The following XDH variants were observed in gnomAD, a reference collection of about 807,000 sequenced individuals.
XDH encodes the protein xanthine dehydrogenase/oxidase.
In XDH, 138 loss-of-function variants were observed where a neutral mutation model predicts 156.1. The ratio of observed to expected loss-of-function variants is 0.88; its 90% CI spans 0.77 to 1.02. The LOEUF (loss-of-function observed/expected upper bound fraction) is 1.02. Ranked by LOEUF, XDH falls within the 50% of genes least tolerant of loss-of-function variation. XDH has a pLI of 0.00. For synonymous variants in XDH, 669 were observed against 625.7 expected (o/e 1.07, Z -1.03); for missense variants, 1,849 against 1,684.9 (o/e 1.10, Z -1.71).
chr2:31,376,489 A>C (rs1453647011), intron 14 of XDH, among the ~76,000 whole-genome samples: 1 of 149,394 alleles, frequency 6.7e-6, no homozygotes, highest in Non-Finnish European at 1.5e-5. Flanking sequence ...TAGCAATAAT[A>C]TTAGAAGCAG....
Position 31,370,485 on chromosome 2 carries a change from G to A in XDH, c.1857-7C>T. ...TTCTGATGTATCTATGGACCTGCAA[G>A]AATGAGTGGTGTGAGGGGCCAGGTC... On this transcript the variant is annotated splice_polypyrimidine_tract_variant and splice_region_variant and intron_variant, in intron 17 of 35. Coordinates refer to ENST00000379416, the MANE Select transcript of XDH (RefSeq NM_000379.4). 1 of 1,614,130 alleles carries A rather than the reference G, an allele frequency of 6.2e-7. No homozygotes were observed. The highest frequency in any genetic ancestry group is 8.5e-7 in the Non-Finnish European group (1 of 1,179,992).
intron 20 of XDH, among the ~76,000 whole-genome samples, chr2:31,367,644 C>A (rs531296189): frequency 6.6e-6 from 1 of 151,904 alleles, no homozygotes; most frequent in South Asian, 2.1e-4. Flanking sequence ...AGAATTTATG[C>A]GGTTAGAGGC....
intron 29 of XDH, 134 bp from the exon 30 acceptor site, chr2:31,346,977 C>T: frequency 1.8e-6 from 2 of 1,134,490 alleles, no homozygotes; most frequent in Admixed American, 1.9e-5. Flanking sequence ...AGCCTGGCCA[C>T]CCACTCCAGA....
intron 31 of XDH, among the ~76,000 whole-genome samples, 198 bp downstream of exon 31, chr2:31,344,486 T>G (rs368458544): frequency 6.6e-6 from 1 of 152,102 alleles, no homozygotes; most frequent in East Asian, 1.9e-4. Flanking sequence ...CAGCTGGTGC[T>G]TTTACCCCTT....
chr2:31,346,626 T>C (rs1685301728), intron 30 of XDH, 143 bp downstream of exon 30: 1 of 1,037,976 alleles, frequency 9.6e-7, no homozygotes, highest in African/African-American at 1.6e-5. Flanking sequence ...ATTCATCCTG[T>C]AAAATCACAC....
intron 17 of XDH, 59 bp from the exon 18 acceptor site, chr2:31,370,537 C>G (rs983158486): frequency 6.2e-7 from 1 of 1,606,110 alleles, no homozygotes; most frequent in Non-Finnish European, 8.5e-7. Flanking sequence ...GGACCCATCA[C>G]CTGGTTGGAC....
intron 31 of XDH, among the ~76,000 whole-genome samples, chr2:31,342,850 G>A (rs190503558): frequency 4.9e-4 from 74 of 152,228 alleles, no homozygotes; most frequent in African/African-American, 1.7e-3. Flanking sequence ...GAAATGATAC[G>A]AATAGAAACA....
rs1342763175 is a variant in XDH, at chr2:31,364,238, A to C, written c.2551T>G (p.Phe851Val). The stretch of plus-strand genomic sequence containing the variant: ...GCCACAACTGTCCCAGTCTTCATGA[A>C]GCCAACCTGATAAAAGGAGAAAGGA... Reference protein sequence around the residue: ...HPFLARYKVGFMKTGTVVALE... With the variant: ...HPFLARYKVGVMKTGTVVALE... Residue 851 changes from phenylalanine (F) to valine (V), a missense_variant, in exon 24 of 36, where the codon TTC becomes GTC. By Grantham distance (50) the Phe-to-Val change is conservative (BLOSUM62 -1). Coordinates refer to ENST00000379416, the MANE Select transcript of XDH (RefSeq NM_000379.4). 6.2e-7 allele frequency: 1 copy of C among 1,614,150 alleles called. No homozygotes were observed.
Position 31,364,142 on chromosome 2 carries a change from T to C in XDH, c.2631+16A>G. The C allele has an allele frequency of 6.2e-7, 1 of 1,613,318 alleles. No individual in the cohort carries two copies. The highest frequency in any genetic ancestry group is 8.5e-7 in the Non-Finnish European group (1 of 1,179,806). On this transcript the variant is annotated intron_variant, in intron 24 of 35. Coordinates refer to ENST00000379416, the MANE Select transcript of XDH (RefSeq NM_000379.4). ...AGTCAGCTCTGGGTGCAGGGGCGGC[T>C]GCAGGTCCTACTCACACTCTGAGAG...
chr2:31,336,677 C>A (rs1164133326), intron 35 of XDH, among the ~76,000 whole-genome samples: 2 of 150,732 alleles, frequency 1.3e-5, no homozygotes. Flanking sequence ...TGAATGGGGA[C>A]CCATATGCCT....
intron 26 of XDH, 150 bp from the exon 27 acceptor site, chr2:31,349,130 T>G: frequency 1.3e-6 from 1 of 754,894 alleles, no homozygotes; most frequent in Non-Finnish European, 2.3e-6. Flanking sequence ...CAGGGGGTCT[T>G]GTCAACACTC....
chr2:31,365,016 G>A (rs1356601572), intron 23 of XDH, among the ~76,000 whole-genome samples: 7 of 152,150 alleles, frequency 4.6e-5, no homozygotes, highest in Non-Finnish European at 4.4e-5. Context: ...GTCCAACCAT[G>A]GTCTGGAAAA....
intron 12 of XDH, among the ~76,000 whole-genome samples, chr2:31,381,019 A>G (rs1215978759): frequency 1.3e-5 from 2 of 152,058 alleles, no homozygotes; most frequent in African/African-American, 4.8e-5. Context: ...TTTTTGAGAC[A>G]GGGTCTCACT....
At chr2:31,367,329 T>C (rs888170004) in intron 20 of XDH, among the ~76,000 whole-genome samples, 20 of 152,214 alleles carry the variant, frequency 1.3e-4, no homozygotes, top group Non-Finnish European at 2.5e-4. Context: ...CAGGGATTAA[T>C]AGATGTGATT....
At position 31,373,942 on chromosome 2, in the gene XDH, C is replaced by A. The variant is rs117399514; in HGVS notation, c.1617G>T (p.Leu539=). 1.2e-4 allele frequency: 193 copies of A among 1,613,708 alleles called. 1 individual carries two copies. In the East Asian group the frequency reaches 4.0e-3, roughly 34 times the overall value. The change falls in exon 16 of 36, where the codon CTG becomes CTT. Residue 539 remains leucine (L), a synonymous_variant. Transcript: ENST00000379416. ...AAGTTGCACTGGCGAAAGTGGGGTC[C>A]AGTTTACCACACTTCTGTGGAGACA... ...QENLEDKCGK[L]DPTFASATLL...
chr2:31,369,571 T>C lies in XDH; in HGVS notation c.1980+784A>G, dbSNP rs187724489. Among the ~76,000 whole-genome samples, 924 of 152,294 alleles carry C rather than the reference T, an allele frequency of 6.1e-3. 5 individuals are homozygous for C. Among genetic ancestry groups the C allele is most frequent in the Non-Finnish European group, 8.9e-3 (607 of 68,030 alleles). On this transcript the variant is annotated intron_variant, in intron 18 of 35. Transcript: ENST00000379416. ...ATAAGCTATTGACTCAGTTGGTTAG[T>C]GCAATGGTGGTTAAATCTGGCTGTT...
At chr2:31,341,476 G>A in intron 32 of XDH, 82 bp from the exon 33 acceptor site, 1 of 1,405,644 alleles carries the variant, frequency 7.1e-7, no homozygotes, top group South Asian at 1.2e-5. Flanking sequence ...GTGACCCTCA[G>A]ACTACAAGTG....
intron 15 of XDH, 103 bp from the exon 16 acceptor site, chr2:31,374,059 T>A (rs1686155421): frequency 4.3e-6 from 5 of 1,164,174 alleles, no homozygotes; most frequent in South Asian, 2.6e-5. Context: ...GATCCCCTTG[T>A]CTCTTCACTT....
Position 31,357,231 on chromosome 2 carries a change from C to T in XDH, c.2631+6927G>A, listed in dbSNP as rs78640419. ...ATAAATCCAAAGCAAACAGAGTGAA[C>T]GAAATAATAAGGATAAGAGCAGAAA... On this transcript the variant is annotated intron_variant, in intron 24 of 35. Coordinates refer to ENST00000379416, the MANE Select transcript of XDH (RefSeq NM_000379.4). 1.1e-3 allele frequency among the ~76,000 whole-genome samples: 167 copies of T among 151,912 alleles called. 1 individual carries two copies. Among genetic ancestry groups the T allele is most frequent in the African/African-American group, 3.5e-3 (144 of 41,446 alleles).
Sources: gnomAD v4.1 joint callset for allele counts (sites outside exome capture counted in the v4.1 genomes callset) on GRCh38, gnomAD v4.1.1 for gene constraint, MANE v1.5 for transcripts, NCBI Gene and HGNC (gene_info 2026-07-23, HGNC 2026-07-21) for gene names.